Variants in CD99L2 observed in about 807,000 individuals in gnomAD.
The protein encoded by CD99L2 is CD99 antigen-like protein 2.
Under a neutral mutation model 27.3 loss-of-function variants are expected in CD99L2, and 24 were observed. The ratio of observed to expected loss-of-function variants is 0.88; its 90% CI spans 0.64 to 1.24. The LOEUF is 1.24. Among genes scored for constraint, CD99L2 ranks in the 50% most tolerant of loss-of-function variants. The pLI is 0.00. For synonymous variants in CD99L2, 97 were observed against 87.9 expected, an observed-to-expected ratio of 1.10 and a Z score of -0.58; for missense variants, 255 against 221.6, an observed-to-expected ratio of 1.15 and a Z score of -0.96.
At chrX:150,772,272 C>A (rs1241452700) in intron 9 of CD99L2, among the ~76,000 whole-genome samples, 1 of 112,734 alleles carries the variant, frequency 8.9e-6, no homozygotes, top group African/African-American at 3.2e-5. Flanking sequence ...GGGGGCAAGG[C>A]GAGCTGGGAG....
intron 2 of CD99L2, among the ~76,000 whole-genome samples, chrX:150,830,551 T>C (rs1227190065): frequency 7.5e-5 from 2 of 26,522 alleles, no homozygotes; most frequent in Admixed American, 1.1e-3. Flanking sequence ...AGTAAGATCC[T>C]GTGTCAAGAA....
chrX:150,770,598 C>T (rs888257262), intron 9 of CD99L2, among the ~76,000 whole-genome samples: 2 of 112,664 alleles, frequency 1.8e-5, no homozygotes, highest in African/African-American at 3.2e-5. Context: ...GAAATAACAA[C>T]GACATGCAGC....
At chrX:150,843,021 T>C (rs1485736721) in intron 1 of CD99L2, among the ~76,000 whole-genome samples, 1 of 112,346 alleles carries the variant, frequency 8.9e-6, no homozygotes, top group Non-Finnish European at 1.9e-5. Flanking sequence ...TGATATTACT[T>C]TGTGACAAAA....
At chrX:150,862,810 G>A (rs1190861528) in intron 1 of CD99L2, among the ~76,000 whole-genome samples, 1 of 108,425 alleles carries the variant, frequency 9.2e-6, no homozygotes, top group East Asian at 2.9e-4. Flanking sequence ...GAAACCAGGT[G>A]CGAAAGAAAG....
intron 2 of CD99L2, among the ~76,000 whole-genome samples, chrX:150,824,122 AAGG>A (rs201105178): frequency 0.022 from 902 of 41,725 alleles, 55 homozygotes; most frequent in South Asian, 0.037. Flanking sequence ...AGGAAGAAGG[AAGG>A]AGGAGGAGGA....
At chrX:150,879,358 A>G (rs1180330355) in intron 1 of CD99L2, among the ~76,000 whole-genome samples, 19 of 112,011 alleles carry the variant, frequency 1.7e-4, no homozygotes, top group African/African-American at 6.2e-4. Flanking sequence ...AAGAATTAAG[A>G]AAAGGGAGAA....
At position 150,769,045 on chromosome X, in the gene CD99L2, C is replaced by T. The variant is rs1336858958; in HGVS notation, c.778G>A (p.Ala260Thr). 1.7e-6 allele frequency: 2 copies of T among 1,152,077 alleles called. No individual in the cohort carries two copies. The highest frequency in any genetic ancestry group is 1.9e-5 in the African/African-American group (1 of 53,205). The allele number at this position is 1,152,077 out of a possible 1,213,427, so 94.9% of individuals were successfully genotyped here. A position where few individuals can be genotyped will look rare whatever the true frequency, so the allele number is the denominator to read the frequency against. ...SAEPPPPPEP[A>T]RI ...GCTGGACAGGGCCCTCAGATCCGGG[C>T]TGGTTCGGGCGGCGGCGGCGGCTCT... Residue 260 changes from alanine (A) to threonine (T), a missense_variant, in exon 11 of 11, where the codon GCC (alanine) becomes ACC (threonine). Coordinates refer to ENST00000370377, the MANE Select transcript of CD99L2 (RefSeq NM_031462.4).
intron 1 of CD99L2, among the ~76,000 whole-genome samples, chrX:150,847,362 T>C (rs1487739184): frequency 8.9e-6 from 1 of 112,122 alleles, no homozygotes; most frequent in Admixed American, 9.5e-5. Context: ...TGGATTTCTG[T>C]ATGAATTTTA....
chrX:150,850,868 C>T (rs1043785082), intron 1 of CD99L2, among the ~76,000 whole-genome samples: 1 of 110,486 alleles, frequency 9.1e-6, no homozygotes, highest in Admixed American at 9.6e-5. Context: ...GATGAAGTCT[C>T]GCTCTGTCAC....
intron 1 of CD99L2, among the ~76,000 whole-genome samples, chrX:150,842,667 C>G (rs183579826): frequency 8.9e-6 from 1 of 112,253 alleles, no homozygotes; most frequent in Non-Finnish European, 1.9e-5. Flanking sequence ...TAGACTCGCC[C>G]CACTTAACAT....
intron 1 of CD99L2, among the ~76,000 whole-genome samples, chrX:150,891,663 T>C (rs2047514102): frequency 8.9e-6 from 1 of 111,991 alleles, no homozygotes; most frequent in African/African-American, 3.2e-5. Context: ...GTGGATGTCT[T>C]TGGGGGCTCA....
chrX:150,890,127 T>G (rs185470714), intron 1 of CD99L2, among the ~76,000 whole-genome samples: 3,820 of 104,414 alleles, frequency 0.037, 198 homozygotes, highest in African/African-American at 0.13. Context: ...CACTCCAGAC[T>G]GGGCGAGAGC....
chrX:150,827,238 G>C (rs1352201484), intron 2 of CD99L2, among the ~76,000 whole-genome samples: 1 of 111,381 alleles, frequency 9.0e-6, no homozygotes. Context: ...TGCAAGATAA[G>C]TATCTGGACC....
chrX:150,804,547 ACAGCCTGGCCAAGAGAC>A (rs2045965348), intron 4 of CD99L2, among the ~76,000 whole-genome samples: 1 of 110,239 alleles, frequency 9.1e-6, no homozygotes, highest in African/African-American at 3.3e-5. Context: ...GAGTTCGAGA[ACAGCCTGGCCAAGAGAC>A]CAGCCTGGCC....
At position 150,891,436 on chromosome X, in the gene CD99L2, G is replaced by C. The variant is rs148247375; in HGVS notation, c.67+7086C>G. 6.5e-3 allele frequency among the ~76,000 whole-genome samples: 730 copies of C among 111,872 alleles called. 3 individuals carry two copies. The highest frequency in any genetic ancestry group is 0.022 in the African/African-American group (692 of 30,789). On this transcript the variant is annotated intron_variant, in intron 1 of 10. Coordinates refer to ENST00000370377, the MANE Select transcript of CD99L2 (RefSeq NM_031462.4). ...CATCTTCAAAGCCAGCAATGGCCAG[G>C]CGAGTCCTTCCCATATGACATGGCT...
At chrX:150,839,912 C>A (rs190439832) in intron 1 of CD99L2, among the ~76,000 whole-genome samples, 1 of 110,095 alleles carries the variant, frequency 9.1e-6, no homozygotes, top group Non-Finnish European at 1.9e-5. Flanking sequence ...GTGGTGCATG[C>A]CTGTAGTCCC....
intron 2 of CD99L2, among the ~76,000 whole-genome samples, chrX:150,817,832 C>G (rs1256880601): frequency 9.0e-6 from 1 of 110,716 alleles, no homozygotes. Flanking sequence ...CCACTGCACT[C>G]CAGCCTGGGC....
intron 1 of CD99L2, among the ~76,000 whole-genome samples, chrX:150,887,395 G>A (rs1455844812): frequency 2.7e-5 from 3 of 109,420 alleles, no homozygotes; most frequent in Non-Finnish European, 5.7e-5. Flanking sequence ...GCAGCGAGCT[G>A]AGAGTGCGCC....
chrX:150,802,173 G>C (rs782564185), intron 4 of CD99L2, among the ~76,000 whole-genome samples: 106 of 112,270 alleles, frequency 9.4e-4, no homozygotes, highest in African/African-American at 3.1e-3. Context: ...GAATAAGTGA[G>C]TTCAGCAAGG....
Sources: allele counts gnomAD v4.1 joint callset (sites outside exome capture counted in the v4.1 genomes callset), GRCh38; gene constraint gnomAD v4.1.1; transcripts MANE v1.5; gene names NCBI Gene and HGNC (gene_info 2026-07-23, HGNC 2026-07-21).